FGF7: variants seen among roughly 807,000 people sequenced by gnomAD.
FGF7 encodes FGF-7.
FGF7 carries 6 observed loss-of-function variants against 20.5 expected under a neutral mutation model. The ratio of observed to expected loss-of-function variants is 0.29; its 90% CI spans 0.16 to 0.58. FGF7 has a LOEUF of 0.58. Among genes scored for constraint, FGF7 ranks in the 20% least tolerant of loss-of-function variants. The pLI is 0.90. For synonymous variants in FGF7, 64 were observed against 74.7 expected, an observed-to-expected ratio of 0.86 and a Z score of 0.74; for missense variants, 144 against 228.8, an observed-to-expected ratio of 0.63 and a Z score of 2.39.
intron 2 of FGF7, among the ~76,000 whole-genome samples, chr15:49,449,352 A>G (rs2052513213): frequency 6.6e-6 from 1 of 152,098 alleles, no homozygotes; most frequent in Admixed American, 6.6e-5. Flanking sequence ...CCTCTATAGG[A>G]CAGTGATTTT....
At chr15:49,450,087 A>G in intron 2 of FGF7, among the ~76,000 whole-genome samples, 1 of 152,260 alleles carries the variant, frequency 6.6e-6, no homozygotes, top group South Asian at 2.1e-4. Flanking sequence ...ACTGAGAAGA[A>G]ACAAATTAAA....
chr15:49,469,767 A>C (rs1295615979), intron 2 of FGF7, among the ~76,000 whole-genome samples: 1 of 152,152 alleles, frequency 6.6e-6, no homozygotes, highest in Non-Finnish European at 1.5e-5. Flanking sequence ...ATGCCTTTAA[A>C]AGTGATTGAT....
At chr15:49,448,866 G>A (rs116016535) in intron 2 of FGF7, among the ~76,000 whole-genome samples, 3,517 of 151,656 alleles carry the variant, frequency 0.023, 86 homozygotes, top group South Asian at 0.13. Flanking sequence ...TTTAGCAGTC[G>A]ATTCCAATAT....
At position 49,424,395 on chromosome 15, in the gene FGF7, A is replaced by T; in HGVS notation, c.98A>T (p.Asn33Ile). ...CLVGTISLAC[N>I]DMTPEQMATN... The stretch of plus-strand genomic sequence containing the variant: ...GTGGGTACTATATCTTTAGCTTGCA[A>T]TGACATGACTCCAGAGCAAATGGCT... The change falls in exon 2 of 4, where the codon AAT becomes ATT. Residue 33 changes from asparagine (N) to isoleucine (I), a missense_variant. Asn to Ile is a moderately radical substitution (Grantham distance 149). Around this residue, in one of 2 missense-constraint regions of FGF7, gnomAD observed 88 missense variants for 103.4 expected, o/e 0.85. Coordinates refer to ENST00000267843, the MANE Select transcript of FGF7 (RefSeq NM_002009.4). 6.2e-7 allele frequency: 1 copy of T among 1,613,708 alleles called. No individual in the cohort carries two copies.
At chr15:49,429,672 A>G (rs1212618677) in intron 2 of FGF7, among the ~76,000 whole-genome samples, 1 of 151,948 alleles carries the variant, frequency 6.6e-6, no homozygotes, top group African/African-American at 2.4e-5. Context: ...CTTTAAAAAA[A>G]TACTGATGCC....
At position 49,424,224 on chromosome 15, in the gene FGF7, G is replaced by C; in HGVS notation, c.-74G>C. On this transcript the variant is annotated 5_prime_UTR_variant, in exon 2 of 4. The change abolishes an upstream ATG in the 5' untranslated region. Transcript: ENST00000267843. ...AATTCACAGATAGGAAGAGGTCAAT[G>C]ACCTAGGAGTAACAATCAACTCAAG... 1 of 1,336,670 alleles carries C rather than the reference G, an allele frequency of 7.5e-7. No homozygotes were observed. Among genetic ancestry groups the C allele is most frequent in the Non-Finnish European group, 1.1e-6 (1 of 951,090 alleles). 82.8% of individuals were successfully genotyped at this position (1,336,670 alleles called of 1,614,324 possible).
At chr15:49,449,081 G>T (rs182888544) in intron 2 of FGF7, among the ~76,000 whole-genome samples, 1 of 146,260 alleles carries the variant, frequency 6.8e-6, no homozygotes, top group East Asian at 2.2e-4. Flanking sequence ...TCAAATGCTG[G>T]TCTGGCTTAC....
chr15:49,462,271 T>C (rs893984246), intron 2 of FGF7, among the ~76,000 whole-genome samples: 23 of 152,238 alleles, frequency 1.5e-4, no homozygotes, highest in Non-Finnish European at 2.5e-4. Context: ...GAAAGTGGTC[T>C]CATTATTTAA....
chr15:49,471,153 T>C (rs2054705175), intron 2 of FGF7, among the ~76,000 whole-genome samples: 1 of 152,084 alleles, frequency 6.6e-6, no homozygotes, highest in African/African-American at 2.4e-5. Context: ...GAAGAAAAAT[T>C]CTAAAGAGGC....
chr15:49,454,081 C>A (rs1197741606), intron 2 of FGF7, among the ~76,000 whole-genome samples: 1 of 152,038 alleles, frequency 6.6e-6, no homozygotes, highest in Non-Finnish European at 1.5e-5. Flanking sequence ...GTCAGACAGG[C>A]GTAGGTTTGA....
chr15:49,453,231 A>G (rs2151894642), intron 2 of FGF7, among the ~76,000 whole-genome samples: 1 of 152,104 alleles, frequency 6.6e-6, no homozygotes, highest in South Asian at 2.1e-4. Flanking sequence ...ACGTCATTTC[A>G]ACACATAATC....
At chr15:49,470,669 T>C (rs1042746543) in intron 2 of FGF7, among the ~76,000 whole-genome samples, 3 of 152,202 alleles carry the variant, frequency 2.0e-5, no homozygotes, top group East Asian at 1.9e-4. Flanking sequence ...GTTGAAAAAA[T>C]GGGCATAGCA....
In FGF7 at chr15:49,455,537, T is replaced by C. The variant is rs558749511; in HGVS notation, c.287-27614T>C. On this transcript the variant is annotated intron_variant, in intron 2 of 3. Coordinates refer to ENST00000267843, the MANE Select transcript of FGF7 (RefSeq NM_002009.4). The stretch of plus-strand genomic sequence containing the variant: ...ACTACTCTGAAAAAGATAAGACAAA[T>C]ACTCTTTACTGAATTTCTGGGTAGG... 1.5e-4 allele frequency among the ~76,000 whole-genome samples: 23 copies of C among 152,282 alleles called. No individual in the cohort carries two copies. In the South Asian group the frequency reaches 4.3e-3, roughly 29 times the overall value.
At chr15:49,481,010 C>G (rs1240007153) in intron 2 of FGF7, among the ~76,000 whole-genome samples, 1 of 152,166 alleles carries the variant, frequency 6.6e-6, no homozygotes, top group Non-Finnish European at 1.5e-5. Flanking sequence ...TCCCTAATAA[C>G]TGATCATGAA....
At chr15:49,469,426 A>G (rs1234569924) in intron 2 of FGF7, among the ~76,000 whole-genome samples, 1 of 152,160 alleles carries the variant, frequency 6.6e-6, no homozygotes, top group African/African-American at 2.4e-5. Context: ...TATGTGATTT[A>G]TAAGCACTAT....
chr15:49,455,691 G>A (rs910297727), intron 2 of FGF7, among the ~76,000 whole-genome samples: 3 of 152,114 alleles, frequency 2.0e-5, no homozygotes, highest in Non-Finnish European at 4.4e-5. Flanking sequence ...ACTTAAATAA[G>A]TGATTTTGGT....
chr15:49,465,505 GA>G (rs1567330115), intron 2 of FGF7, among the ~76,000 whole-genome samples: 2 of 152,030 alleles, frequency 1.3e-5, no homozygotes, highest in African/African-American at 4.8e-5. Flanking sequence ...AGAGTACATA[GA>G]AAACATATGT....
chr15:49,437,374 C>A (rs2051200864), intron 2 of FGF7, among the ~76,000 whole-genome samples: 1 of 151,526 alleles, frequency 6.6e-6, no homozygotes. Context: ...AGTTTACTGG[C>A]AAATAGGTTC....
At chr15:49,438,561 C>T (rs772159765) in intron 2 of FGF7, among the ~76,000 whole-genome samples, 1 of 151,596 alleles carries the variant, frequency 6.6e-6, no homozygotes, top group Non-Finnish European at 1.5e-5. Context: ...AATATTAATA[C>T]ACATTATATA....
Sources: allele counts gnomAD v4.1 joint callset (sites outside exome capture counted in the v4.1 genomes callset), GRCh38; gene constraint gnomAD v4.1.1; regional missense constraint gnomAD v4.1.1; transcripts MANE v1.5; gene names NCBI Gene and HGNC (gene_info 2026-07-23, HGNC 2026-07-21).